Variants in ICE1 observed in about 807,000 individuals in gnomAD.
The protein encoded by ICE1 is little elongation complex subunit 1.
Under a neutral mutation model 192.7 loss-of-function variants are expected in ICE1, and 64 were observed. The observed-to-expected ratio is 0.33, with a 90% CI of 0.27 to 0.41. The LOEUF is 0.41. Among genes scored for constraint, ICE1 ranks in the 10% least tolerant of loss-of-function variants. The pLI is 1.00. For synonymous variants in ICE1, 1,010 were observed against 984.5 expected (o/e 1.03, Z -0.49); for missense variants, 2,708 against 2,696.0 (o/e 1.00, Z -0.10).
At position 5,444,340 on chromosome 5, in the gene ICE1, T is replaced by C; in HGVS notation, c.424+14T>C. ...AGAAGCTGCAAGGTAAGTGGCACTA[T>C]TGTTACCTGAAGTTTTCGGTCAGTA... is the stretch of plus-strand genomic sequence containing the variant. On this transcript the variant is annotated intron_variant, in intron 7 of 18. Coordinates refer to ENST00000296564, the MANE Select transcript of ICE1 (RefSeq NM_015325.3). 2 of 1,558,544 alleles carry C rather than the reference T, an allele frequency of 1.3e-6. No individual in the cohort carries two copies. The highest frequency in any genetic ancestry group is 1.7e-6 in the Non-Finnish European group (2 of 1,148,338).
Position 5,461,156 on chromosome 5 carries a change from C to T in ICE1, c.1822C>T (p.Pro608Ser). Residue 608 changes from proline (P) to serine (S), a missense_variant, in exon 13 of 19, where the codon CCT becomes TCT. Pro to Ser is a moderately conservative substitution (Grantham distance 74, BLOSUM62 -1). Around this residue, in one of 2 missense-constraint regions of ICE1, gnomAD observed 2,366 missense variants for 2,276.6 expected, o/e 1.04. Coordinates refer to ENST00000296564, the MANE Select transcript of ICE1 (RefSeq NM_015325.3). ...TCAAGGGTTCACTTTAGGAGAATCA[C>T]CTGAATCAGAAGATGATGACTCAGG... Reference protein sequence around the residue: ...DTQGFTLGESPESEDDDSGDG... With the variant: ...DTQGFTLGESSESEDDDSGDG... 6.2e-7 allele frequency: 1 copy of T among 1,613,974 alleles called. No individual in the cohort carries two copies.
chr5:5,453,190 A>G (rs1201493590), intron 10 of ICE1, among the ~76,000 whole-genome samples: 3 of 152,090 alleles, frequency 2.0e-5, no homozygotes, highest in African/African-American at 7.2e-5. Flanking sequence ...AGGGGATTAC[A>G]GTATTTGGAA....
intron 15 of ICE1, among the ~76,000 whole-genome samples, chr5:5,469,280 G>A (rs1202404773): frequency 1.3e-5 from 2 of 152,188 alleles, no homozygotes; most frequent in Non-Finnish European, 2.9e-5. Flanking sequence ...AAGTCTCAGA[G>A]AAGCTACAAA....
At chr5:5,448,001 T>C in intron 10 of ICE1, 104 bp downstream of exon 10, 1 of 813,598 alleles carries the variant, frequency 1.2e-6, no homozygotes, top group Non-Finnish European at 2.0e-6. Context: ...CAGGGCTTAG[T>C]AGATGTTTCG....
chr5:5,432,584 T>G (rs150223937), intron 1 of ICE1, among the ~76,000 whole-genome samples: 55 of 152,328 alleles, frequency 3.6e-4, no homozygotes, highest in African/African-American at 1.2e-3. Context: ...TTTGAGGAAC[T>G]GCAAAACTAG....
At chr5:5,436,870 A>G (rs2111341632) in intron 2 of ICE1, among the ~76,000 whole-genome samples, 1 of 152,226 alleles carries the variant, frequency 6.6e-6, no homozygotes, top group Middle Eastern at 3.4e-3. Context: ...CCAAGATACT[A>G]CTCAGATCTA....
chr5:5,475,870 C>T (rs1382910887), intron 16 of ICE1, 103 bp from the exon 17 acceptor site: 1 of 731,666 alleles, frequency 1.4e-6, no homozygotes, highest in Non-Finnish European at 2.3e-6. Context: ...GTTAGATCCT[C>T]AGCAGTTATC....
chr5:5,486,651 C>A, intron 17 of ICE1, 70 bp from the exon 18 acceptor site: 1 of 1,044,646 alleles, frequency 9.6e-7, no homozygotes, highest in South Asian at 1.4e-5. Flanking sequence ...GAGAAGTGGA[C>A]CTTTAAATTC....
Position 5,462,438 on chromosome 5 carries a change from C to G in ICE1, c.3104C>G (p.Ala1035Gly), listed in dbSNP as rs749689584. ...GRSGGEALAV[A>G]NDSTSTPQNA... ...TCTGGTGGTGAGGCCCTGGCTGTTG[C>G]AAATGATTCTACCAGCACACCACAA... Residue 1035 changes from alanine to glycine, a missense_variant, in exon 13 of 19, where the codon GCA becomes GGA. By Grantham distance (60) the Ala-to-Gly change is moderately conservative. Around this residue, in one of 2 missense-constraint regions of ICE1, gnomAD observed 2,366 missense variants for 2,276.6 expected, o/e 1.04. Transcript: ENST00000296564. 1.3e-5 allele frequency: 21 copies of G among 1,613,838 alleles called. No individual in the cohort carries two copies. In the South Asian group the frequency reaches 2.0e-4, roughly 15 times the overall value.
intron 13 of ICE1, 71 bp downstream of exon 13, chr5:5,465,297 G>A: frequency 9.1e-7 from 1 of 1,099,192 alleles, no homozygotes; most frequent in Non-Finnish European, 1.3e-6. Flanking sequence ...TTTACTGTCA[G>A]CAAAATGTGT....
At chr5:5,426,460 A>G (rs1006062677) in intron 1 of ICE1, among the ~76,000 whole-genome samples, 2 of 152,100 alleles carry the variant, frequency 1.3e-5, no homozygotes, top group East Asian at 3.9e-4. Context: ...AAAAAAAAAA[A>G]AAAAGCTTAT....
In ICE1 at chr5:5,462,152, C is replaced by T. The variant is rs755256166; in HGVS notation, c.2818C>T (p.Pro940Ser). Residue 940 changes from proline (P) to serine (S), a missense_variant, in exon 13 of 19, where the codon CCA (proline) becomes TCA (serine). By Grantham distance (74) the Pro-to-Ser change is moderately conservative. This residue lies in a region of ICE1 where 2,366 missense variants were observed against 2,276.6 expected (regional missense o/e 1.04). Coordinates refer to ENST00000296564, the MANE Select transcript of ICE1 (RefSeq NM_015325.3). ...ASRRKLDFNS[P>S]GGSSPVENSD... ...TAGGAGAAAATTAGATTTTAATTCT[C>T]CAGGTGGTTCTTCACCAGTAGAAAA... is the stretch of plus-strand genomic sequence containing the variant. 1.2e-6 allele frequency: 2 copies of T among 1,613,684 alleles called. No homozygotes were observed. The highest frequency in any genetic ancestry group is 1.1e-5 in the South Asian group (1 of 91,040).
chr5:5,466,230 A>G, intron 13 of ICE1, 104 bp from the exon 14 acceptor site: 3 of 1,049,596 alleles, frequency 2.9e-6, no homozygotes, highest in Non-Finnish European at 2.6e-6. Flanking sequence ...CGCAAGTTTT[A>G]TTTTTTCAAT....
At chr5:5,442,904 T>C (rs1738090617) in intron 5 of ICE1, among the ~76,000 whole-genome samples, 1 of 152,212 alleles carries the variant, frequency 6.6e-6, no homozygotes, top group Non-Finnish European at 1.5e-5. Context: ...TATTAGCTGT[T>C]TGATATTTAA....
At chr5:5,423,532 A>G (rs1275158385) in intron 1 of ICE1, among the ~76,000 whole-genome samples, 1 of 152,224 alleles carries the variant, frequency 6.6e-6, no homozygotes, top group Non-Finnish European at 1.5e-5. Context: ...AAAGCAAGCC[A>G]AGTAATTGGT....
In ICE1 at chr5:5,462,968, G is replaced by T. The variant is rs772937662; in HGVS notation, c.3634G>T (p.Ala1212Ser). ...TAAAGAAATGAACAAAGAATTAAAG[G>T]CAAGTGAAATAGGAGAAAAATACAG... is the stretch of plus-strand genomic sequence containing the variant. ...LSKEMNKELK[A>S]SEIGEKYRKQ... Residue 1212 changes from alanine to serine, a missense_variant, in exon 13 of 19, where the codon GCA becomes TCA. Transcript: ENST00000296564. The T allele has an allele frequency of 8.1e-6, 13 of 1,612,994 alleles. No individual in the cohort carries two copies. Among genetic ancestry groups the T allele is most frequent in the Non-Finnish European group, 1.1e-5 (13 of 1,179,544 alleles).
intron 10 of ICE1, among the ~76,000 whole-genome samples, chr5:5,452,800 G>C (rs1022232107): frequency 6.6e-6 from 1 of 152,186 alleles, no homozygotes; most frequent in African/African-American, 2.4e-5. Flanking sequence ...AAATGACAAA[G>C]CAATGAAGTA....
intron 3 of ICE1, 76 bp downstream of exon 3, chr5:5,437,190 G>A: frequency 8.9e-7 from 1 of 1,127,226 alleles, no homozygotes; most frequent in Non-Finnish European, 1.3e-6. Context: ...TGTGAGAATT[G>A]TTCCTCATAG....
Position 5,463,258 on chromosome 5 carries a change from G to C in ICE1, c.3924G>C (p.Thr1308=), listed in dbSNP as rs189885698. Residue 1308 remains threonine (T), a synonymous_variant, in exon 13 of 19, where the codon ACG becomes ACC. Coordinates refer to ENST00000296564, the MANE Select transcript of ICE1 (RefSeq NM_015325.3). ...AAGAGAAAAGTCCATTTCGGGAAAC[G>C]ACTGGCTCCTCATCACATGCTTCAG... The part of the protein sequence containing the change: ...NLKEKSPFRE[T]TGSSSHASEP... 1.9e-6 allele frequency: 3 copies of C among 1,612,944 alleles called. No homozygotes were observed. The East Asian group carries it at 6.7e-5, about 36-fold the overall frequency.
Sources: allele counts gnomAD v4.1 joint callset (sites outside exome capture counted in the v4.1 genomes callset), GRCh38; gene constraint gnomAD v4.1.1; regional missense constraint gnomAD v4.1.1; transcripts MANE v1.5; gene names NCBI Gene and HGNC (gene_info 2026-07-23, HGNC 2026-07-21).